The following MARCHF7 variants were observed in gnomAD, a reference collection of about 807,000 sequenced individuals.
MARCHF7 encodes the protein E3 ubiquitin-protein ligase MARCHF7.
In MARCHF7, 20 loss-of-function variants were observed where a neutral mutation model predicts 76.5. That is an observed-to-expected ratio of 0.26 (90% CI 0.18 to 0.38). The LOEUF (loss-of-function observed/expected upper bound fraction) is 0.38, where lower values mean the gene tolerates loss of function less well. MARCHF7 is among the 10% of genes least tolerant of loss of function. The pLI is 1.00. For synonymous variants in MARCHF7, 295 were observed against 293.0 expected (o/e 1.01, Z -0.07); for missense variants, 797 against 812.9 (o/e 0.98, Z 0.24).
At chr2:159,725,126 A>G (rs1164592046) in intron 3 of MARCHF7, among the ~76,000 whole-genome samples, 1 of 152,220 alleles carries the variant, frequency 6.6e-6, no homozygotes, top group Non-Finnish European at 1.5e-5. Context: ...TATTGTGAGT[A>G]GTGCCACAGT....
At chr2:159,738,056 T>C (rs887423750) in intron 4 of MARCHF7, among the ~76,000 whole-genome samples, 3 of 152,188 alleles carry the variant, frequency 2.0e-5, no homozygotes, top group African/African-American at 7.2e-5. Flanking sequence ...GAGCCAGACA[T>C]GGATCGGCAG....
intron 10 of MARCHF7, 104 bp downstream of exon 10, chr2:159,763,097 C>T: frequency 1.8e-6 from 1 of 555,784 alleles, no homozygotes; most frequent in Non-Finnish European, 3.0e-6. Context: ...CTTTGGGAAG[C>T]TTTTATTTTT....
intron 3 of MARCHF7, among the ~76,000 whole-genome samples, chr2:159,723,754 T>C (rs1045189183): frequency 6.6e-6 from 1 of 152,214 alleles, no homozygotes; most frequent in African/African-American, 2.4e-5. Flanking sequence ...ATCATGCCTT[T>C]CATGAACAGC....
At chr2:159,763,794 CCTT>C (rs1343614112) in intron 10 of MARCHF7, among the ~76,000 whole-genome samples, 2 of 152,132 alleles carry the variant, frequency 1.3e-5, no homozygotes, top group South Asian at 2.1e-4. Flanking sequence ...ATGTAATACT[CCTT>C]CTAAATTAGT....
At chr2:159,732,436 C>G (rs147474863) in intron 4 of MARCHF7, among the ~76,000 whole-genome samples, 6 of 152,238 alleles carry the variant, frequency 3.9e-5, no homozygotes, top group African/African-American at 1.4e-4. Context: ...GCAGTTTCAG[C>G]CATAAGTCAA....
At chr2:159,731,397 C>A (rs1161561115) in intron 4 of MARCHF7, among the ~76,000 whole-genome samples, 1 of 152,218 alleles carries the variant, frequency 6.6e-6, no homozygotes, top group Non-Finnish European at 1.5e-5. Context: ...TTGACATTCT[C>A]CTTAAGATAT....
At chr2:159,718,158 A>G (rs546509979) in intron 3 of MARCHF7, among the ~76,000 whole-genome samples, 1 of 152,276 alleles carries the variant, frequency 6.6e-6, no homozygotes, top group Admixed American at 6.5e-5. Flanking sequence ...TAAGCATTAG[A>G]TTATACCTAG....
chr2:159,718,235 C>G (rs1188174456), intron 3 of MARCHF7, among the ~76,000 whole-genome samples: 1 of 152,098 alleles, frequency 6.6e-6, no homozygotes, highest in Non-Finnish European at 1.5e-5. Flanking sequence ...CGTATTTCTA[C>G]AAATAGAAAT....
chr2:159,750,054 A>T (rs980691066), intron 7 of MARCHF7, among the ~76,000 whole-genome samples: 5 of 152,244 alleles, frequency 3.3e-5, no homozygotes, highest in Non-Finnish European at 7.3e-5. Context: ...AAGTCCAAGT[A>T]TATACTGAAT....
At chr2:159,759,013 C>T (rs1574426333) in intron 8 of MARCHF7, among the ~76,000 whole-genome samples, 1 of 152,136 alleles carries the variant, frequency 6.6e-6, no homozygotes, top group East Asian at 1.9e-4. Context: ...ATGGTGGTGG[C>T]TTATTATCAT....
intron 1 of MARCHF7, among the ~76,000 whole-genome samples, chr2:159,714,310 A>G (rs560433394): frequency 6.6e-6 from 1 of 152,352 alleles, no homozygotes; most frequent in East Asian, 1.9e-4. Context: ...AGAGCTTCAC[A>G]TTACAAGAAT....
intron 3 of MARCHF7, among the ~76,000 whole-genome samples, chr2:159,727,633 A>G (rs1702327399): frequency 6.6e-6 from 1 of 152,222 alleles, no homozygotes; most frequent in Non-Finnish European, 1.5e-5. Flanking sequence ...TGCTTATAGT[A>G]GCACTGTTAC....
At chr2:159,734,043 A>C (rs774737553) in intron 4 of MARCHF7, 38 of 1,356,356 alleles carry the variant, frequency 2.8e-5, no homozygotes, top group Non-Finnish European at 3.6e-5. Context: ...TCACAATTTG[A>C]ATGATTGGCA....
At chr2:159,752,831 T>C (rs962084619) in intron 8 of MARCHF7, among the ~76,000 whole-genome samples, 1 of 152,226 alleles carries the variant, frequency 6.6e-6, no homozygotes, top group African/African-American at 2.4e-5. Flanking sequence ...CACTAGTGTG[T>C]CCCTTAAATC....
At chr2:159,763,418 T>C (rs1245130480) in intron 10 of MARCHF7, among the ~76,000 whole-genome samples, 33 of 152,202 alleles carry the variant, frequency 2.2e-4, no homozygotes, top group Admixed American at 2.2e-3. Context: ...AGTGTACTAA[T>C]TTTTAAGTGT....
intron 7 of MARCHF7, among the ~76,000 whole-genome samples, chr2:159,749,272 C>T (rs112472613): frequency 0.041 from 6,292 of 152,046 alleles, 418 homozygotes; most frequent in African/African-American, 0.14. Context: ...GCCACTGTGC[C>T]CAGCCTAAAA....
At chr2:159,731,455 T>A (rs910096026) in intron 4 of MARCHF7, among the ~76,000 whole-genome samples, 1 of 152,172 alleles carries the variant, frequency 6.6e-6, no homozygotes, top group Non-Finnish European at 1.5e-5. Flanking sequence ...TGTAGATTAT[T>A]CAAAAAAGTT....
In MARCHF7 at chr2:159,762,982, A is replaced by G; in HGVS notation, c.1996A>G (p.Thr666Ala). ...GATGGGAAATACAAATGAACCAAGC[A>G]CACGTGTCCGAGTAAGTAATAATGA... is the stretch of plus-strand genomic sequence containing the variant. ...DMMGNTNEPS[T>A]RVRFINLART... The change falls in exon 10 of 12, where the codon ACA (threonine) becomes GCA (alanine). Residue 666 changes from threonine (T) to alanine (A), a missense_variant. Thr to Ala is a moderately conservative substitution (Grantham distance 58). Around this residue, in one of 3 missense-constraint regions of MARCHF7, gnomAD observed 124 missense variants for 121.3 expected, o/e 1.02. Coordinates refer to ENST00000409175, the MANE Select transcript of MARCHF7 (RefSeq NM_001282805.2). The G allele has an allele frequency of 1.9e-6, 3 of 1,610,528 alleles. No homozygotes were observed. Among genetic ancestry groups the G allele is most frequent in the East Asian group, 2.2e-5 (1 of 44,676 alleles).
intron 6 of MARCHF7, among the ~76,000 whole-genome samples, chr2:159,746,260 ATAAC>A (rs1479931627): frequency 6.6e-6 from 1 of 152,252 alleles, no homozygotes. Flanking sequence ...AGTTTAATAA[ATAAC>A]TACTTCTGAT....
Sources: gnomAD v4.1 joint callset for allele counts (sites outside exome capture counted in the v4.1 genomes callset) on GRCh38, gnomAD v4.1.1 for gene constraint, gnomAD v4.1.1 regional missense constraint, MANE v1.5 for transcripts, NCBI Gene and HGNC (gene_info 2026-07-23, HGNC 2026-07-21) for gene names.